Variants in DERL3 observed in about 807,000 individuals in gnomAD.
DERL3 encodes the protein derlin-3.
A neutral mutation model predicts 23.8 loss-of-function variants in DERL3; 20 were observed. The observed-to-expected ratio is 0.84, with a 90% CI of 0.59 to 1.22. DERL3 has a LOEUF of 1.22. DERL3 is among the 50% of genes most tolerant of loss of function. The pLI is 0.00. For synonymous variants in DERL3, 145 were observed against 132.5 expected, an observed-to-expected ratio of 1.09 and a Z score of -0.65; for missense variants, 319 against 304.1, an observed-to-expected ratio of 1.05 and a Z score of -0.36.
intron 4 of DERL3, chr22:23,838,125 C>T (rs1485246650): frequency 1.3e-6 from 2 of 1,522,820 alleles, no homozygotes; most frequent in East Asian, 2.5e-5. Flanking sequence ...AGCTAGTGGC[C>T]CTGACAACCC....
rs2031113867 is a variant in DERL3 at position 23,837,063 on chromosome 22, C to A, written c.614+1G>T. ...AGGGAGGGAGGGCTCTCAACACTCA[C>A]AGGAAGCCAGGGGTCTGCAGGAGCC... On this transcript the variant is annotated splice_donor_variant, in intron 6 of 6. Transcript: ENST00000318109. LOFTEE classifies it high-confidence loss of function. 6.2e-7 allele frequency: 1 copy of A among 1,613,768 alleles called. No homozygotes were observed.
At chr22:23,838,679 G>GGGGGGGGGGGGGGGGGGCCCCC in intron 2 of DERL3, 32 bp downstream of exon 2, 1 of 464,524 alleles carries the variant, frequency 2.2e-6, no homozygotes, top group Non-Finnish European at 4.4e-6. Context: ...GGTGGGTCGG[G>GGGGGGGGGGGGGGGGGGCCCCC]CCCACAGGTG....
In DERL3 at chr22:23,835,720, T is replaced by C. The variant is rs907452207; in HGVS notation, c.*1149A>G. 3 of 985,374 alleles carry C rather than the reference T, an allele frequency of 3.0e-6. No individual in the cohort carries two copies. The highest frequency in any genetic ancestry group is 3.6e-6 in the Non-Finnish European group (3 of 829,964). The allele number at this position is 985,374 out of a possible 1,614,324, so 61.0% of individuals were successfully genotyped here. A position where few individuals can be genotyped will look rare whatever the true frequency, so the allele number is the denominator to read the frequency against. On this transcript the variant is annotated 3_prime_UTR_variant, in exon 7 of 7. Coordinates refer to ENST00000318109, the MANE Select transcript of DERL3 (RefSeq NM_001002862.3). ...GGTTTCATTGCTGAGGTGTTTGTTCTGTCCATGAGGTAGGAACCTCGGCAA... is the reference window on the plus strand; with the variant it reads ...GGTTTCATTGCTGAGGTGTTTGTTCCGTCCATGAGGTAGGAACCTCGGCAA...
chr22:23,838,449 C>A lies in DERL3; in HGVS notation c.234-4G>T, dbSNP rs1474741323. On this transcript the variant is annotated splice_polypyrimidine_tract_variant and splice_region_variant and intron_variant, in intron 3 of 6. Transcript: ENST00000318109. ...CAGCATGCGGCAGTAGCGGAACCTACGGCGTCGGTATAGGAAGTGCCACCA... is the reference window on the plus strand; with the variant it reads ...CAGCATGCGGCAGTAGCGGAACCTAAGGCGTCGGTATAGGAAGTGCCACCA... 6.3e-7 allele frequency: 1 copy of A among 1,598,982 alleles called. No individual in the cohort carries two copies. Among genetic ancestry groups the A allele is most frequent in the South Asian group, 1.1e-5 (1 of 88,798 alleles).
At chr22:23,838,660 T>TAGGGG in intron 2 of DERL3, 23 bp from the exon 3 acceptor site, 1 of 154,150 alleles carries the variant, frequency 6.5e-6, no homozygotes, top group Non-Finnish European at 1.2e-5. Context: ...GGCGGTCAGG[T>TAGGGG]GCGGGGTGGG....
chr22:23,838,096 C>T (rs956665388), intron 4 of DERL3: 20 of 1,497,770 alleles, frequency 1.3e-5, no homozygotes, highest in Non-Finnish European at 1.8e-5. Context: ...TTTCTCCCGG[C>T]TACTCGCATT....
Position 23,838,575 on chromosome 22 carries a change from G to A in DERL3, c.222C>T (p.Asn74=), listed in dbSNP as rs148006018. Residue 74 remains asparagine, a synonymous_variant, in exon 3 of 7, where the codon AAC becomes AAT. Coordinates refer to ENST00000318109, the MANE Select transcript of DERL3 (RefSeq NM_001002862.3). The part of the protein sequence containing the change: ...FGPLGFSFFF[N]MLFVFRYCRM... ...AGGGCGCAGGATACACGAAGAGCAT[G>A]TTGAAGAAGAAGCTGAATCCCAGGG... 27 of 1,584,432 alleles carry A rather than the reference G, an allele frequency of 1.7e-5. No individual in the cohort carries two copies. The highest frequency in any genetic ancestry group is 2.1e-5 in the Non-Finnish European group (25 of 1,165,818).
Position 23,835,832 on chromosome 22 carries a change from C to T in DERL3, c.*1037G>A, listed in dbSNP as rs1000571913. 3 of 985,160 alleles carry T rather than the reference C, an allele frequency of 3.0e-6. No individual in the cohort carries two copies. The African/African-American group carries it at 5.2e-5, about 17-fold the overall frequency. 61.0% of individuals were successfully genotyped at this position (985,160 alleles called of 1,614,324 possible). A position where few individuals can be genotyped will look rare whatever the true frequency, so the allele number is the denominator to read the frequency against. The stretch of plus-strand genomic sequence containing the variant: ...TCACCCCACAGGTCGGGCAGGGCCA[C>T]CTGGCTGGGAGGTGCCGGGAAGGCT... On this transcript the variant is annotated 3_prime_UTR_variant, in exon 7 of 7. Transcript: ENST00000318109.
At position 23,834,826 on chromosome 22, in the gene DERL3, C is replaced by T. The variant is rs768988555; in HGVS notation, c.*2043G>A. The T allele has an allele frequency of 3.4e-5, 55 of 1,610,662 alleles. No homozygotes were observed. The highest frequency in any genetic ancestry group is 4.3e-5 in the Non-Finnish European group (51 of 1,178,826). ...CCTAACCCTGCTCCCCTTGCTTGGCCTCAGGAAGGTGCCGCGAGCTCTCCT... is the reference window on the plus strand; with the variant it reads ...CCTAACCCTGCTCCCCTTGCTTGGCTTCAGGAAGGTGCCGCGAGCTCTCCT... On this transcript the variant is annotated 3_prime_UTR_variant, in exon 7 of 7. Coordinates refer to ENST00000318109, the MANE Select transcript of DERL3 (RefSeq NM_001002862.3).
chr22:23,838,130 CA>C, intron 4 of DERL3: 1 of 1,524,070 alleles, frequency 6.6e-7, no homozygotes, highest in Non-Finnish European at 8.8e-7. Context: ...GTGGCCCTGA[CA>C]ACCCACCTGG....
rs970185705 is a variant in DERL3, at chr22:23,836,768, C to G, written c.*101G>C. On this transcript the variant is annotated 3_prime_UTR_variant, in exon 7 of 7. Transcript: ENST00000318109. ...TTCTGTTTATTCAGGTGGGCCCTTG[C>G]ATGGGCCCAGCCTTTAGGATGGGTT... 24 of 1,395,730 alleles carry G rather than the reference C, an allele frequency of 1.7e-5. No homozygotes were observed. Among genetic ancestry groups the G allele is most frequent in the Non-Finnish European group, 2.2e-5 (24 of 1,076,710 alleles). The allele number at this position is 1,395,730 out of a possible 1,614,324, so 86.5% of individuals were successfully genotyped here.
At position 23,838,925 on chromosome 22, in the gene DERL3, G is replaced by T; in HGVS notation, c.63C>A (p.Thr21=). 1 of 1,576,284 alleles carries T rather than the reference G, an allele frequency of 6.3e-7. No individual in the cohort carries two copies. The highest frequency in any genetic ancestry group is 8.6e-7 in the Non-Finnish European group (1 of 1,161,120). The change falls in exon 1 of 7, where the codon ACC becomes ACA. Residue 21 remains threonine, a synonymous_variant. Coordinates refer to ENST00000318109, the MANE Select transcript of DERL3 (RefSeq NM_001002862.3). ...CGGCGGTGGTGAGGACACAGGCTGC[G>T]GTGTAAGCCCGCGTCACCGCCGGCA... ...LQVPAVTRAY[T]AACVLTTAAV...
chr22:23,838,947 G>C lies in DERL3; in HGVS notation c.41C>G (p.Pro14Arg), dbSNP rs1239596938. Residue 14 changes from proline (P) to arginine (R), a missense_variant, in exon 1 of 7, where the codon CCG becomes CGG. By Grantham distance (103) the Pro-to-Arg change is moderately radical. Transcript: ENST00000318109. Reference sequence around the variant, plus strand: ...TGCGGTGTAAGCCCGCGTCACCGCCGGCACCTGCAGGAACTCGGCCGCTAG... The same window carrying C: ...TGCGGTGTAAGCCCGCGTCACCGCCCGCACCTGCAGGAACTCGGCCGCTAG... Reference protein sequence around the residue: ...QGLAAEFLQVPAVTRAYTAAC... With the variant: ...QGLAAEFLQVRAVTRAYTAAC... 6.3e-7 allele frequency: 1 copy of C among 1,584,166 alleles called. No homozygotes were observed. The highest frequency in any genetic ancestry group is 2.3e-5 in the East Asian group (1 of 43,590).
rs1180868186 is a variant in DERL3 at position 23,837,745 on chromosome 22, A to T, written c.437T>A (p.Leu146Gln). ...SPRVRVNFFG[L>Q]LTFQAPFLPW... ...CAGGAACGGTGCCTGGAAAGTGAGCAGGCCGAAGAAGTTGACCCTCACCCG... is the reference window on the plus strand; with the variant it reads ...CAGGAACGGTGCCTGGAAAGTGAGCTGGCCGAAGAAGTTGACCCTCACCCG... Residue 146 changes from leucine to glutamine, a missense_variant, in exon 5 of 7, where the codon CTG (leucine) becomes CAG (glutamine). Coordinates refer to ENST00000318109, the MANE Select transcript of DERL3 (RefSeq NM_001002862.3). 3.1e-6 allele frequency: 5 copies of T among 1,614,064 alleles called. No individual in the cohort carries two copies. The Admixed American group carries it at 5.0e-5, about 16-fold the overall frequency.
Position 23,835,165 on chromosome 22 carries a change from A to G in DERL3, c.*1704T>C. 1 of 1,304,868 alleles carries G rather than the reference A, an allele frequency of 7.7e-7. No homozygotes were observed. Among genetic ancestry groups the G allele is most frequent in the South Asian group, 2.4e-5 (1 of 41,330 alleles). 80.8% of individuals were successfully genotyped at this position (1,304,868 alleles called of 1,614,324 possible). A position where few individuals can be genotyped will look rare whatever the true frequency, so the allele number is the denominator to read the frequency against. On this transcript the variant is annotated 3_prime_UTR_variant, in exon 7 of 7. Coordinates refer to ENST00000318109, the MANE Select transcript of DERL3 (RefSeq NM_001002862.3). ...GGAGTTGACACGGTACAGGGAGGAG[A>G]CACAGCCCAGGGTCCCTTCCCAGCC... is the stretch of plus-strand genomic sequence containing the variant.
At position 23,837,078 on chromosome 22, in the gene DERL3, C is replaced by T. The variant is rs771983769; in HGVS notation, c.600G>A (p.Gln200=). 3.1e-6 allele frequency: 5 copies of T among 1,613,936 alleles called. No individual in the cohort carries two copies. The highest frequency in any genetic ancestry group is 1.1e-5 in the South Asian group (1 of 91,070). ...TCAACACTCACAGGAAGCCAGGGGT[C>T]TGCAGGAGCCTCTTGCCTCCAGGCT... ...PNQPGGKRLL[Q]TPGFLKLLLD... is the part of the protein sequence containing the mutation. Residue 200 remains glutamine (Q), a synonymous_variant, in exon 6 of 7, where the codon CAG becomes CAA. Coordinates refer to ENST00000318109, the MANE Select transcript of DERL3 (RefSeq NM_001002862.3).
At position 23,837,208 on chromosome 22, in the gene DERL3, C is replaced by G; in HGVS notation, c.524-54G>C. On this transcript the variant is annotated intron_variant, in intron 5 of 6. Transcript: ENST00000318109. ...ACCCTCCACAGCCCAGAGTCCTAGA[C>G]CAGCAGAGCCTGCCCCAGGCCCCCA... is the stretch of plus-strand genomic sequence containing the variant. 1.9e-6 allele frequency: 3 copies of G among 1,594,378 alleles called. No homozygotes were observed. The South Asian group carries it at 3.4e-5, about 18-fold the overall frequency.
Position 23,836,306 on chromosome 22 carries a change from G to C in DERL3, c.*563C>G, listed in dbSNP as rs2031042192. The C allele has an allele frequency of 2.0e-6, 2 of 985,392 alleles. No individual in the cohort carries two copies. Among genetic ancestry groups the C allele is most frequent in the South Asian group, 9.4e-5 (2 of 21,290 alleles). 61.0% of individuals were successfully genotyped at this position (985,392 alleles called of 1,614,324 possible). ...AAATGAGGCATACGCCCACCTGTCA[G>C]GGTGGCTGATGAGAGACAGGAGAGG... On this transcript the variant is annotated 3_prime_UTR_variant, in exon 7 of 7. Coordinates refer to ENST00000318109, the MANE Select transcript of DERL3 (RefSeq NM_001002862.3).
rs1463394290 is a variant in DERL3 at position 23,838,628 on chromosome 22, G to A, written c.169C>T (p.Leu57Phe). The A allele has an allele frequency of 1.4e-5, 19 of 1,322,528 alleles. No homozygotes were observed. The highest frequency in any genetic ancestry group is 1.8e-5 in the Non-Finnish European group (18 of 1,006,120). 81.9% of individuals were successfully genotyped at this position (1,322,528 alleles called of 1,614,324 possible). Reference protein sequence around the residue: ...LVFRKFQVWRLVTNFLFFGPL... With the variant: ...LVFRKFQVWRFVTNFLFFGPL... ...CCGAAGAAGAGGAAGTTGGTGACGA[G>A]CCTCCAGACCTACGGGGGACGGGCG... Residue 57 changes from leucine (L) to phenylalanine (F), a missense_variant, in exon 3 of 7, where the codon CTC becomes TTC. Transcript: ENST00000318109.
Sources: gnomAD v4.1 joint callset for allele counts on GRCh38, gnomAD v4.1.1 for gene constraint, MANE v1.5 for transcripts, NCBI Gene and HGNC (gene_info 2026-07-23, HGNC 2026-07-21) for gene names.